The following MTMR3 variants were observed in gnomAD, a reference collection of about 807,000 sequenced individuals.
MTMR3 encodes the protein phosphatidylinositol-3,5-bisphosphate 3-phosphatase MTMR3.
A neutral mutation model predicts 132.4 loss-of-function variants in MTMR3; 32 were observed. That is an observed-to-expected ratio of 0.24 (90% CI 0.18 to 0.32). The LOEUF (loss-of-function observed/expected upper bound fraction) is 0.32. Among genes scored for constraint, MTMR3 ranks in the 10% least tolerant of loss-of-function variants. MTMR3 has a pLI of 1.00. For missense variants in MTMR3, 1,216 were observed against 1,489.6 expected (o/e 0.82, Z 3.02); for synonymous variants, 556 against 550.3 (o/e 1.01, Z -0.14).
At chr22:30,023,476 C>T (rs2067820461) in intron 19 of MTMR3, 1 of 1,614,048 alleles carries the variant, frequency 6.2e-7, no homozygotes, top group Admixed American at 1.7e-5. Flanking sequence ...CCGTGTTGAT[C>T]AAACGTGGTG....
chr22:29,934,856 T>C (rs1957575600), intron 1 of MTMR3, among the ~76,000 whole-genome samples: 1 of 152,230 alleles, frequency 6.6e-6, no homozygotes, highest in African/African-American at 2.4e-5. Flanking sequence ...AGCCCAGTGA[T>C]TGGCACATAG....
rs2067205160 is a variant in MTMR3, at chr22:30,002,873, T to C, written c.558-7T>C. 6.2e-7 allele frequency: 1 copy of C among 1,609,064 alleles called. No individual in the cohort carries two copies. Among genetic ancestry groups the C allele is most frequent in the South Asian group, 1.1e-5 (1 of 90,908 alleles). On this transcript the variant is annotated splice_polypyrimidine_tract_variant and splice_region_variant and intron_variant, in intron 8 of 19. Transcript: ENST00000401950. ...TTGACTCTCCCCACTTCTCATCTTC[T>C]CTTTAGATTATGTGGTAGCTATCCT...
intron 10 of MTMR3, 53 bp downstream of exon 10, chr22:30,007,372 T>C (rs1261348146): frequency 1.3e-6 from 2 of 1,537,776 alleles, no homozygotes; most frequent in Non-Finnish European, 1.8e-6. Flanking sequence ...CTAAGAACCT[T>C]TTCTTGAAAT....
rs1279425876 is a variant in MTMR3, at chr22:29,982,587, C to G, written c.210+3535C>G. ...ATGCCCCAGTTCATCATTTTGTATG[C>G]TTAAATCAAAATACTTAGCACTTCA... On this transcript the variant is annotated intron_variant, in intron 5 of 19. Coordinates refer to ENST00000401950, the MANE Select transcript of MTMR3 (RefSeq NM_021090.4). The G allele has an allele frequency of 2.0e-5, 3 of 152,186 alleles. No homozygotes were observed. The East Asian group carries it at 5.8e-4, about 29-fold the overall frequency. The allele number at this position is 152,186 out of a possible 1,614,324, so 9.4% of individuals were successfully genotyped here.
intron 1 of MTMR3, among the ~76,000 whole-genome samples, chr22:29,913,793 C>T (rs1210971855): frequency 6.6e-6 from 1 of 151,966 alleles, no homozygotes; most frequent in African/African-American, 2.4e-5. Flanking sequence ...GCTCTGTCGC[C>T]CAGGCTGGAG....
In MTMR3 at chr22:30,020,484, C is replaced by T. The variant is rs2067716156; in HGVS notation, c.2825C>T (p.Pro942Leu). The part of the protein sequence containing the change: ...PETENRASEQ[P>L]PGLSTLQMYP... ...ACTGAAAACAGGGCCTCAGAGCAGC[C>T]CCCAGGTCTTAGCACCCTCCAGATG... Residue 942 changes from proline (P) to leucine (L), a missense_variant, in exon 17 of 20, where the codon CCC becomes CTC. Pro to Leu is a moderately conservative substitution (Grantham distance 98). This residue lies in a region of MTMR3 where 852 missense variants were observed against 852.0 expected (regional missense o/e 1.00). Coordinates refer to ENST00000401950, the MANE Select transcript of MTMR3 (RefSeq NM_021090.4). 1.2e-6 allele frequency: 2 copies of T among 1,614,132 alleles called. No homozygotes were observed. The highest frequency in any genetic ancestry group is 1.3e-5 in the African/African-American group (1 of 75,022).
chr22:29,988,628 TTATTTGGTAA>T, intron 6 of MTMR3, 66 bp downstream of exon 6: 1 of 1,229,720 alleles, frequency 8.1e-7, no homozygotes, highest in Non-Finnish European at 1.1e-6. Context: ...AATGGGTCCA[TTATTTGGTAA>T]CTTAGTAAAA....
chr22:29,888,672 A>G (rs932534525), intron 1 of MTMR3, among the ~76,000 whole-genome samples: 2 of 151,990 alleles, frequency 1.3e-5, no homozygotes, highest in Admixed American at 6.6e-5. Flanking sequence ...GCTGATAACT[A>G]CGGATATTCA....
chr22:30,025,330 T>C (rs1244986584), intron 19 of MTMR3: 2 of 402,064 alleles, frequency 5.0e-6, no homozygotes, highest in Non-Finnish European at 9.4e-6. Flanking sequence ...GTTAGGACCA[T>C]GTATTCTTAC....
At chr22:29,948,959 A>C (rs1249397311) in intron 1 of MTMR3, among the ~76,000 whole-genome samples, 1 of 152,054 alleles carries the variant, frequency 6.6e-6, no homozygotes, top group Middle Eastern at 3.4e-3. Flanking sequence ...TGAGCCGGGC[A>C]TGGTGGCATG....
In MTMR3 at chr22:30,019,893, T is replaced by C. The variant is rs1360381723; in HGVS notation, c.2234T>C (p.Leu745Pro). 6.2e-7 allele frequency: 1 copy of C among 1,614,050 alleles called. No individual in the cohort carries two copies. The highest frequency in any genetic ancestry group is 1.1e-5 in the South Asian group (1 of 91,076). Residue 745 changes from leucine to proline, a missense_variant, in exon 17 of 20, where the codon CTG (leucine) becomes CCG (proline). Leu to Pro is a moderately conservative substitution (Grantham distance 98). Around this residue, in one of 7 missense-constraint regions of MTMR3, gnomAD observed 852 missense variants for 852.0 expected, o/e 1.00. Transcript: ENST00000401950. ...ATTGGACTTCACCAAGACCCAGAAC[T>C]GGGTGATGCTGCTCTGAGGAGCCAT... ...SAIGLHQDPE[L>P]GDAALRSHLD...
At chr22:29,976,293 T>G (rs1322349302) in intron 3 of MTMR3, among the ~76,000 whole-genome samples, 1 of 152,190 alleles carries the variant, frequency 6.6e-6, no homozygotes, top group African/African-American at 2.4e-5. Context: ...TGTTACTGTT[T>G]GTTTTTTTCC....
chr22:29,889,579 A>G (rs1211696327), intron 1 of MTMR3, among the ~76,000 whole-genome samples: 1 of 151,852 alleles, frequency 6.6e-6, no homozygotes, highest in Non-Finnish European at 1.5e-5. Flanking sequence ...GAGCCACTGC[A>G]CCTGGCCCAG....
At chr22:29,932,457 A>G (rs887177790) in intron 1 of MTMR3, among the ~76,000 whole-genome samples, 1 of 152,220 alleles carries the variant, frequency 6.6e-6, no homozygotes, top group African/African-American at 2.4e-5. Context: ...CTAAATTGGT[A>G]TAACTAACTT....
At chr22:29,949,121 ACACACACACACACACACACACACCCCCCC>A (rs2066008279) in intron 1 of MTMR3, among the ~76,000 whole-genome samples, 1 of 27,406 alleles carries the variant, frequency 3.6e-5, no homozygotes, top group Non-Finnish European at 6.8e-5. Context: ...ACACACACAC[ACACACACACACACACACACACACCCCCCC>A]CCCCCCCCCC....
chr22:30,019,447 G>C (rs2067691556), intron 16 of MTMR3, 33 bp from the exon 17 acceptor site: 1 of 1,563,306 alleles, frequency 6.4e-7, no homozygotes, highest in Non-Finnish European at 8.6e-7. Context: ...CAGTTTCCAA[G>C]ATTTTCATTT....
intron 1 of MTMR3, among the ~76,000 whole-genome samples, chr22:29,893,825 G>A (rs749266944): frequency 8.6e-5 from 13 of 151,874 alleles, no homozygotes; most frequent in African/African-American, 2.7e-4. Flanking sequence ...ACTTTTATAC[G>A]TAGGAAAAAC....
In MTMR3 at chr22:30,012,448, C is replaced by T; in HGVS notation, c.1202C>T (p.Ala401Val). The T allele has an allele frequency of 6.2e-7, 1 of 1,614,152 alleles. No individual in the cohort carries two copies. Among genetic ancestry groups the T allele is most frequent in the South Asian group, 1.1e-5 (1 of 91,086 alleles). The change falls in exon 13 of 20, where the codon GCT (alanine) becomes GTT (valine). Residue 401 changes from alanine (A) to valine (V), a missense_variant. Coordinates refer to ENST00000401950, the MANE Select transcript of MTMR3 (RefSeq NM_021090.4). The stretch of plus-strand genomic sequence containing the variant: ...AAATCAGCGCTTCTGGTAGTGCATG[C>T]TGTGGATCAGGATCAGCGGCCGGTG... Reference protein sequence around the residue: ...LLKSALLVVHAVDQDQRPVLV... With the variant: ...LLKSALLVVHVVDQDQRPVLV...
In MTMR3 at chr22:30,019,547, C is replaced by A; in HGVS notation, c.1888C>A (p.Arg630=). The change falls in exon 17 of 20, where the codon CGG becomes AGG. Residue 630 remains arginine, a synonymous_variant. Coordinates refer to ENST00000401950, the MANE Select transcript of MTMR3 (RefSeq NM_021090.4). ...TGACAACACAGTGCCTCTGGCCAGC[C>A]GGCGCTGCAGCGACCCCAGCCTGAA... The part of the protein sequence containing the change: ...ACDNTVPLAS[R]RCSDPSLNEK... 1 of 1,612,892 alleles carries A rather than the reference C, an allele frequency of 6.2e-7. No individual in the cohort carries two copies. The highest frequency in any genetic ancestry group is 1.1e-5 in the South Asian group (1 of 91,080).
Sources: gnomAD v4.1 joint callset for allele counts (sites outside exome capture counted in the v4.1 genomes callset) on GRCh38, gnomAD v4.1.1 for gene constraint, gnomAD v4.1.1 regional missense constraint, MANE v1.5 for transcripts, NCBI Gene and HGNC (gene_info 2026-07-23, HGNC 2026-07-21) for gene names.